Variants in WT1 observed in about 807,000 individuals in gnomAD.
WT1 encodes WT1 transcription factor, also known as Wilms tumor protein.
In WT1, 8 loss-of-function variants were observed where a neutral mutation model predicts 60.8. The ratio of observed to expected loss-of-function variants is 0.13; its 90% CI spans 0.08 to 0.24. The LOEUF (loss-of-function observed/expected upper bound fraction) is 0.24. Ranked by LOEUF, WT1 falls within the 10% of genes least tolerant of loss-of-function variation. WT1 has a pLI of 1.00. For synonymous variants in WT1, 312 were observed against 297.1 expected, an observed-to-expected ratio of 1.05 and a Z score of -0.52; for missense variants, 568 against 711.8, an observed-to-expected ratio of 0.80 and a Z score of 2.30.
In WT1 at chr11:32,392,032, G is replaced by A. The variant is rs121907909; in HGVS notation, c.1387C>T (p.Arg463Ter). 6.2e-7 allele frequency: 1 copy of A among 1,613,764 alleles called. No homozygotes were observed. Among genetic ancestry groups the A allele is most frequent in the Non-Finnish European group, 8.5e-7 (1 of 1,179,966 alleles). The change falls in exon 9 of 10, where the codon CGA becomes TGA. Residue 463 changes from arginine to a stop codon, truncating the protein, a stop_gained. Coordinates refer to ENST00000452863, the MANE Select transcript of WT1 (RefSeq NM_024426.6). LOFTEE classifies it high-confidence loss of function. ...AGGTGGTCGGACCGGGAGAACTTTC[G>A]CTGACAAGTTTTACACTGGAATGGT... is the stretch of plus-strand genomic sequence containing the variant.
chr11:32,425,003 C>G (rs960161852), intron 3 of WT1, among the ~76,000 whole-genome samples: 3 of 152,012 alleles, frequency 2.0e-5, no homozygotes, highest in Non-Finnish European at 4.4e-5. Context: ...CATGGTGAAA[C>G]CCCGTCTCTA....
At chr11:32,407,540 C>G (rs1852353196) in intron 5 of WT1, among the ~76,000 whole-genome samples, 1 of 152,150 alleles carries the variant, frequency 6.6e-6, no homozygotes, top group Admixed American at 6.5e-5. Flanking sequence ...AGGCATCCCC[C>G]CATCTTCACC....
rs183485479 is a variant in WT1 at position 32,410,463 on chromosome 11, C to T, written c.1016+6027G>A. 5.3e-4 allele frequency among the ~76,000 whole-genome samples: 81 copies of T among 152,270 alleles called. 1 individual carries two copies. The East Asian group carries it at 0.014, about 27-fold the overall frequency. ...GTCTCTTAAATCCATCTGTTTCAGGCTTTTGTCTCTTCCGTCTAATATATT... is the reference window on the plus strand; with the variant it reads ...GTCTCTTAAATCCATCTGTTTCAGGTTTTTGTCTCTTCCGTCTAATATATT... On this transcript the variant is annotated intron_variant, in intron 5 of 9. Transcript: ENST00000452863.
chr11:32,431,655 C>G (rs1365054709), intron 1 of WT1, among the ~76,000 whole-genome samples: 2 of 151,870 alleles, frequency 1.3e-5, no homozygotes, highest in African/African-American at 2.4e-5. Context: ...GTTGGCCAGG[C>G]TGGTCTCAAA....
At chr11:32,410,414 G>T (rs1852460136) in intron 5 of WT1, among the ~76,000 whole-genome samples, 1 of 152,142 alleles carries the variant, frequency 6.6e-6, no homozygotes, top group Admixed American at 6.6e-5. Flanking sequence ...CTCCATGAAA[G>T]CATGATCTTT....
chr11:32,427,185 G>A (rs1311651355), intron 3 of WT1, among the ~76,000 whole-genome samples: 1 of 152,238 alleles, frequency 6.6e-6, no homozygotes, highest in African/African-American at 2.4e-5. Context: ...GGGCTGGTGT[G>A]CGCCGCAGTT....
intron 3 of WT1, 125 bp from the exon 4 acceptor site, chr11:32,417,779 G>A: frequency 1.3e-6 from 1 of 790,584 alleles, no homozygotes; most frequent in Non-Finnish European, 2.1e-6. Flanking sequence ...CAGAATGACA[G>A]AATATGCAAA....
chr11:32,406,080 A>G (rs1852300587), intron 5 of WT1, among the ~76,000 whole-genome samples: 1 of 152,138 alleles, frequency 6.6e-6, no homozygotes, highest in Non-Finnish European at 1.5e-5. Context: ...GGGAGTGGGG[A>G]AGGACAGGTT....
At chr11:32,412,401 CT>C (rs1852528867) in intron 5 of WT1, among the ~76,000 whole-genome samples, 2 of 152,222 alleles carry the variant, frequency 1.3e-5, no homozygotes, top group South Asian at 4.1e-4. Context: ...TTTCACATTT[CT>C]ATTGTGTTCG....
At chr11:32,392,216 C>A in intron 8 of WT1, 152 bp from the exon 9 acceptor site, 1 of 747,432 alleles carries the variant, frequency 1.3e-6, no homozygotes, top group South Asian at 1.4e-5. Flanking sequence ...CCCAGTCCCC[C>A]AGGCCCAACA....
At chr11:32,393,699 C>T (rs1851884555) in intron 7 of WT1, among the ~76,000 whole-genome samples, 1 of 152,218 alleles carries the variant, frequency 6.6e-6, no homozygotes, top group African/African-American at 2.4e-5. Flanking sequence ...TCCCCCATCC[C>T]TATCTCCACA....
chr11:32,403,863 C>T (rs1852231574), intron 5 of WT1, among the ~76,000 whole-genome samples: 1 of 152,116 alleles, frequency 6.6e-6, no homozygotes. Context: ...TGAGCTACTG[C>T]ACCGCGCCCA....
At chr11:32,427,864 G>A (rs1276799402) in intron 3 of WT1, 92 bp downstream of exon 3, 2 of 1,279,408 alleles carry the variant, frequency 1.6e-6, no homozygotes, top group East Asian at 5.0e-5. Flanking sequence ...CCGCAGTCAG[G>A]GCTGCCCGGC....
chr11:32,392,096 C>T (rs184100025), intron 8 of WT1, 32 bp from the exon 9 acceptor site: 2 of 1,605,578 alleles, frequency 1.2e-6, no homozygotes, highest in Admixed American at 1.7e-5. Flanking sequence ...AGCCTCGGCC[C>T]TAACAATGTG....
chr11:32,420,491 G>A lies in WT1; in HGVS notation c.888-2837C>T, dbSNP rs550069648. ...AATTTGTTCTAACCTACCAAATTTT[G>A]CACAGCACTTTCACACATTCTCAAT... On this transcript the variant is annotated intron_variant, in intron 3 of 9. Coordinates refer to ENST00000452863, the MANE Select transcript of WT1 (RefSeq NM_024426.6). 2.6e-5 allele frequency among the ~76,000 whole-genome samples: 4 copies of A among 152,212 alleles called. No individual in the cohort carries two copies. In the East Asian group the frequency reaches 7.7e-4, roughly 29 times the overall value.
intron 5 of WT1, among the ~76,000 whole-genome samples, chr11:32,406,732 C>G (rs1300477668): frequency 3.3e-5 from 5 of 152,170 alleles, no homozygotes; most frequent in Non-Finnish European, 7.3e-5. Context: ...CTGGACTGTA[C>G]ATTTTGCTAA....
At chr11:32,399,156 C>CAAAAA (rs890562481) in intron 6 of WT1, among the ~76,000 whole-genome samples, 1 of 54,372 alleles carries the variant, frequency 1.8e-5, no homozygotes, top group Admixed American at 2.3e-4. Context: ...ACTCCCATCT[C>CAAAAA]AAAAAAAAAA....
intron 5 of WT1, among the ~76,000 whole-genome samples, chr11:32,413,664 G>A (rs1280188592): frequency 2.0e-5 from 3 of 152,204 alleles, no homozygotes; most frequent in Non-Finnish European, 2.9e-5. Context: ...AAATGAAATA[G>A]GATAGAGAGA....
chr11:32,432,629 C>A (rs1326188430), intron 1 of WT1, among the ~76,000 whole-genome samples: 2 of 152,190 alleles, frequency 1.3e-5, no homozygotes, highest in Admixed American at 6.5e-5. Flanking sequence ...CATTCACCTA[C>A]TAGTCCTGGT....
Sources: gnomAD v4.1 joint callset for allele counts (sites outside exome capture counted in the v4.1 genomes callset) on GRCh38, gnomAD v4.1.1 for gene constraint, MANE v1.5 for transcripts, NCBI Gene and HGNC (gene_info 2026-07-23, HGNC 2026-07-21) for gene names.